BIRC6: variants seen among roughly 807,000 people sequenced by gnomAD.
BIRC6 encodes dual E2 ubiquitin-conjugating enzyme/E3 ubiquitin-protein ligase BIRC6.
Under a neutral mutation model 503.3 loss-of-function variants are expected in BIRC6, and 98 were observed. That is an observed-to-expected ratio of 0.19 (90% CI 0.17 to 0.23). The LOEUF (loss-of-function observed/expected upper bound fraction) is 0.23. Among genes scored for constraint, BIRC6 ranks in the 10% least tolerant of loss-of-function variants. The pLI, the probability that BIRC6 is intolerant of heterozygous loss-of-function variation, is 1.00. For missense variants in BIRC6, 5,360 were observed against 5,806.0 expected (o/e 0.92, Z 2.50); for synonymous variants, 2,240 against 2,078.7 (o/e 1.08, Z -2.11).
chr2:32,430,807 T>C, intron 11 of BIRC6, 58 bp from the exon 12 acceptor site: 1 of 488,144 alleles, frequency 2.0e-6, no homozygotes, highest in Non-Finnish European at 3.0e-6. Context: ...ATTGTCTTCT[T>C]TTTTTTTTTT....
chr2:32,614,527 A>G (rs2063105215), intron 73 of BIRC6, among the ~76,000 whole-genome samples: 1 of 152,208 alleles, frequency 6.6e-6, no homozygotes, highest in Non-Finnish European at 1.5e-5. Context: ...TGAGTGCTAC[A>G]CAAGAAAAAT....
chr2:32,423,646 T>C (rs1460499804), intron 10 of BIRC6, among the ~76,000 whole-genome samples: 2 of 152,240 alleles, frequency 1.3e-5, no homozygotes, highest in African/African-American at 4.8e-5. Flanking sequence ...TTATGCCAAA[T>C]AATATTCCAT....
At position 32,453,906 on chromosome 2, in the gene BIRC6, A is replaced by C; in HGVS notation, c.4717A>C (p.Thr1573Pro). The C allele has an allele frequency of 6.2e-7, 1 of 1,613,592 alleles. No individual in the cohort carries two copies. Among genetic ancestry groups the C allele is most frequent in the Non-Finnish European group, 8.5e-7 (1 of 1,179,554 alleles). The part of the protein sequence containing the change: ...VEPLHFTCVS[T>P]SDGTRIERDD... ...ACCTCTGCACTTTACTTGTGTGTCA[A>C]CTAGTGATGGAACCAGAATAGAAAG... The change falls in exon 23 of 74, where the codon ACT becomes CCT. Residue 1573 changes from threonine to proline, a missense_variant. By Grantham distance (38) the Thr-to-Pro change is conservative. Transcript: ENST00000421745.
chr2:32,590,742 A>T (rs2061342119), intron 66 of BIRC6: 7 of 966,288 alleles, frequency 7.2e-6, no homozygotes, highest in Non-Finnish European at 8.6e-6. Context: ...AGCATAGTGG[A>T]AAATGTTTGC....
rs746208857 is a variant in BIRC6 at position 32,464,793 on chromosome 2, A to G, written c.5226A>G (p.Ala1742=). ...VIDPPAVNLA[A]HNKNSNKSRM... ...ATCCCCCAGCAGTCAATCTTGCTGCACATAACAAAAATTCCAACAAGTCCA... is the reference window on the plus strand; with the variant it reads ...ATCCCCCAGCAGTCAATCTTGCTGCGCATAACAAAAATTCCAACAAGTCCA... Residue 1742 remains alanine (A), a synonymous_variant, in exon 25 of 74, where the codon GCA becomes GCG. Coordinates refer to ENST00000421745, the MANE Select transcript of BIRC6 (RefSeq NM_016252.4). 22 of 1,611,672 alleles carry G rather than the reference A, an allele frequency of 1.4e-5. No individual in the cohort carries two copies. In the African/African-American group the frequency reaches 2.0e-4, roughly 15 times the overall value.
intron 3 of BIRC6, among the ~76,000 whole-genome samples, chr2:32,380,573 T>C (rs778931337): frequency 6.6e-6 from 1 of 151,862 alleles, no homozygotes; most frequent in Non-Finnish European, 1.5e-5. Flanking sequence ...TTAAAAATAC[T>C]AAAATTAGCC....
rs2048967328 is a variant in BIRC6, at chr2:32,470,190, A to G, written c.6370A>G (p.Ile2124Val). The G allele has an allele frequency of 1.3e-6, 2 of 1,561,632 alleles. No homozygotes were observed. Among genetic ancestry groups the G allele is most frequent in the Non-Finnish European group, 1.7e-6 (2 of 1,153,926 alleles). ...TAGGGTCTTCATGTTACTTTCCTGCATTGGTCAAAGATCACTTAGTAATAG... is the reference window on the plus strand; with the variant it reads ...TAGGGTCTTCATGTTACTTTCCTGCGTTGGTCAAAGATCACTTAGTAATAG... The part of the protein sequence containing the change: ...QDRVFMLLSC[I>V]GQRSLSNSGV... The change falls in exon 31 of 74, where the codon ATT (isoleucine) becomes GTT (valine). Residue 2124 changes from isoleucine (I) to valine (V), a missense_variant. Physicochemically the swap from Ile to Val is conservative, Grantham distance 29 (BLOSUM62 3). Coordinates refer to ENST00000421745, the MANE Select transcript of BIRC6 (RefSeq NM_016252.4).
chr2:32,443,676 C>G, intron 20 of BIRC6, 88 bp downstream of exon 20: 1 of 1,069,770 alleles, frequency 9.3e-7, no homozygotes, highest in Non-Finnish European at 1.3e-6. Context: ...ACTACTTTTT[C>G]TCTATTAAAG....
chr2:32,575,040 G>T, intron 65 of BIRC6, 116 bp from the exon 66 acceptor site: 1 of 1,080,374 alleles, frequency 9.3e-7, no homozygotes, highest in Non-Finnish European at 1.4e-6. Flanking sequence ...GAACCAGCGT[G>T]CCCAGCCGGG....
At chr2:32,522,586 C>T (rs1354000006) in intron 57 of BIRC6, 1 of 151,900 alleles carries the variant, frequency 6.6e-6, no homozygotes, top group African/African-American at 2.4e-5. Context: ...TAAATATGTA[C>T]CTCATTAGAA....
At chr2:32,447,342 C>A (rs1256777150) in intron 21 of BIRC6, among the ~76,000 whole-genome samples, 2 of 151,266 alleles carry the variant, frequency 1.3e-5, no homozygotes, top group African/African-American at 4.9e-5. Context: ...GGCAGAAGCG[C>A]CCCTCACCTC....
intron 61 of BIRC6, among the ~76,000 whole-genome samples, chr2:32,534,432 A>C (rs2057037032): frequency 6.7e-6 from 1 of 150,104 alleles, no homozygotes; most frequent in African/African-American, 2.4e-5. Flanking sequence ...TGGAAGATGT[A>C]TCAAAAGAAA....
In BIRC6 at chr2:32,593,902, TA is replaced by T. The variant is rs1332469338; in HGVS notation, c.13356-6del. 2 of 1,603,676 alleles carry T rather than the reference TA, an allele frequency of 1.2e-6. No homozygotes were observed. The highest frequency in any genetic ancestry group is 2.7e-5 in the African/African-American group (2 of 74,294). On this transcript the variant is annotated splice_polypyrimidine_tract_variant and intron_variant, in intron 66 of 73. Transcript: ENST00000421745. ...ATTTTCCTTGCTTTTCTTTCCATAT[TA>T]AAAAAATTCAGATCTAAAAGGGAAA...
chr2:32,478,830 T>A lies in BIRC6; in HGVS notation c.7252+12T>A. ...AGATATTTTAGCAGGTGTGTTAGGA[T>A]TTTTCTTCATAGAGTATGTCAAAAT... On this transcript the variant is annotated intron_variant, in intron 36 of 73. Coordinates refer to ENST00000421745, the MANE Select transcript of BIRC6 (RefSeq NM_016252.4). 6.2e-7 allele frequency: 1 copy of A among 1,609,216 alleles called. No homozygotes were observed. The highest frequency in any genetic ancestry group is 1.3e-5 in the African/African-American group (1 of 74,752).
intron 16 of BIRC6, among the ~76,000 whole-genome samples, chr2:32,439,973 G>A (rs2045228190): frequency 6.6e-6 from 1 of 152,178 alleles, no homozygotes; most frequent in Admixed American, 6.5e-5. Context: ...CTGCCTCCCA[G>A]ATTCAAGCCA....
chr2:32,457,374 C>A (rs1464337349), intron 23 of BIRC6, among the ~76,000 whole-genome samples: 2 of 152,196 alleles, frequency 1.3e-5, no homozygotes, highest in Admixed American at 6.5e-5. Flanking sequence ...TTCTATTTCT[C>A]ATTGTCCTGA....
chr2:32,477,257 T>A, intron 34 of BIRC6, 111 bp from the exon 35 acceptor site: 1 of 960,918 alleles, frequency 1.0e-6, no homozygotes, highest in Non-Finnish European at 1.5e-6. Flanking sequence ...CTAAAAATTT[T>A]GCTCTTTAGA....
In BIRC6 at chr2:32,401,153, C is replaced by T; in HGVS notation, c.1035-10C>T. Reference sequence around the variant, plus strand: ...TTTAGTAAACTTTTCCTTTCTAAATCTATGCAAAGGTCTGAACACGAAAGA... The same window carrying T: ...TTTAGTAAACTTTTCCTTTCTAAATTTATGCAAAGGTCTGAACACGAAAGA... On this transcript the variant is annotated splice_polypyrimidine_tract_variant and intron_variant, in intron 6 of 73. Transcript: ENST00000421745. The T allele has an allele frequency of 1.2e-6, 2 of 1,607,786 alleles. No homozygotes were observed. The highest frequency in any genetic ancestry group is 8.5e-7 in the Non-Finnish European group (1 of 1,175,178).
At chr2:32,457,534 TG>T (rs1412958979) in intron 23 of BIRC6, among the ~76,000 whole-genome samples, 1 of 152,188 alleles carries the variant, frequency 6.6e-6, no homozygotes, top group East Asian at 1.9e-4. Context: ...CAGAAGTATA[TG>T]TTTTTTCCCA....
Sources: allele counts gnomAD v4.1 joint callset (sites outside exome capture counted in the v4.1 genomes callset), GRCh38; gene constraint gnomAD v4.1.1; transcripts MANE v1.5; gene names NCBI Gene and HGNC (gene_info 2026-07-23, HGNC 2026-07-21).